The following FOXP2 variants were observed in gnomAD, a reference collection of about 807,000 sequenced individuals.
The protein encoded by FOXP2 is forkhead box P2, also known as forkhead box protein P2.
FOXP2 carries 12 observed loss-of-function variants against 115.8 expected under a neutral mutation model. The observed-to-expected ratio is 0.10, with a 90% CI of 0.07 to 0.17. The LOEUF (loss-of-function observed/expected upper bound fraction) is 0.17, where lower values mean the gene tolerates loss of function less well. Among genes scored for constraint, FOXP2 ranks in the 10% least tolerant of loss-of-function variants. The pLI, the probability that FOXP2 is intolerant of heterozygous loss-of-function variation, is 1.00. For missense variants in FOXP2, 629 were observed against 843.5 expected, an observed-to-expected ratio of 0.75 and a Z score of 3.15; for synonymous variants, 328 against 297.7, an observed-to-expected ratio of 1.10 and a Z score of -1.05.
upstream of FOXP2, among the ~76,000 whole-genome samples, chr7:114,087,399 A>G (rs1236421266): frequency 6.6e-6 from 1 of 152,000 alleles, no homozygotes. Context: ...TTTTACTTTT[A>G]TTCCGCTTTA....
In FOXP2 at chr7:114,426,634, C is replaced by T; in HGVS notation, c.123C>T (p.Ser41=). 1 of 1,611,520 alleles carries T rather than the reference C, an allele frequency of 6.2e-7. No homozygotes were observed. The highest frequency in any genetic ancestry group is 8.5e-7 in the Non-Finnish European group (1 of 1,178,322). ...ATGGAAGATCAAGTGGTGACACCAG[C>T]TCTGAAGTAAGCACAGTAGAACTGC... ...SRDGRSSGDT[S]SEVSTVELLH... The change falls in exon 2 of 17, where the codon AGC becomes AGT. Residue 41 remains serine, a synonymous_variant. Transcript: ENST00000350908.
chr7:114,577,966 A>G (rs1208534830), intron 3 of FOXP2, among the ~76,000 whole-genome samples: 2 of 151,912 alleles, frequency 1.3e-5, no homozygotes, highest in Non-Finnish European at 2.9e-5. Context: ...TTGTAGAGAG[A>G]AAGTGTTACC....
intron 1 of FOXP2, among the ~76,000 whole-genome samples, chr7:114,419,137 T>C (rs2129201682): frequency 6.6e-6 from 1 of 152,108 alleles, no homozygotes; most frequent in African/African-American, 2.4e-5. Flanking sequence ...TATAGGTATA[T>C]GTATGTCAAG....
chr7:114,329,479 A>AT (rs1425999050), intron 2 of FOXP2, among the ~76,000 whole-genome samples: 1 of 149,570 alleles, frequency 6.7e-6, no homozygotes, highest in Non-Finnish European at 1.5e-5. Flanking sequence ...AGATCGTGCC[A>AT]TTGAACTCCA....
chr7:114,335,683 A>G (rs970462492), intron 2 of FOXP2, among the ~76,000 whole-genome samples: 2 of 151,868 alleles, frequency 1.3e-5, no homozygotes, highest in African/African-American at 4.8e-5. Flanking sequence ...TAAAGTGAAC[A>G]AAATTTAAAT....
At chr7:114,419,156 T>C (rs1050827928) in intron 1 of FOXP2, among the ~76,000 whole-genome samples, 5 of 151,984 alleles carry the variant, frequency 3.3e-5, no homozygotes, top group Non-Finnish European at 5.9e-5. Context: ...AGTATATGCA[T>C]GTATATACAT....
At chr7:114,136,020 C>G (rs1461832132) in intron 1 of FOXP2, among the ~76,000 whole-genome samples, 1 of 151,706 alleles carries the variant, frequency 6.6e-6, no homozygotes, top group South Asian at 2.1e-4. Context: ...AGTATAAAGC[C>G]CAAACAAGAT....
intron 1 of FOXP2, among the ~76,000 whole-genome samples, chr7:114,255,959 AT>A (rs1352167303): frequency 2.0e-5 from 3 of 152,200 alleles, no homozygotes; most frequent in Non-Finnish European, 4.4e-5. Flanking sequence ...TCTTTGAGGA[AT>A]CACCACACTG....
intron 1 of FOXP2, among the ~76,000 whole-genome samples, chr7:114,237,660 GT>G (rs1157336337): frequency 1.3e-5 from 2 of 148,986 alleles, no homozygotes; most frequent in South Asian, 2.1e-4. Flanking sequence ...TTTTTTGTTT[GT>G]TTTTTAAAAA....
At chr7:114,239,342 G>A (rs1795095079) in intron 1 of FOXP2, among the ~76,000 whole-genome samples, 2 of 151,998 alleles carry the variant, frequency 1.3e-5, no homozygotes, top group Admixed American at 1.3e-4. Context: ...TTTAATCTTT[G>A]TATAATCTCT....
At chr7:114,446,849 A>G (rs1794857278) in intron 2 of FOXP2, among the ~76,000 whole-genome samples, 1 of 151,654 alleles carries the variant, frequency 6.6e-6, no homozygotes, top group South Asian at 2.1e-4. Flanking sequence ...CCTGGGTTCA[A>G]GTGATTCTCT....
At chr7:114,353,817 A>G (rs1488117545) in intron 2 of FOXP2, among the ~76,000 whole-genome samples, 4 of 152,062 alleles carry the variant, frequency 2.6e-5, no homozygotes, top group South Asian at 4.2e-4. Flanking sequence ...CCCAATCTAC[A>G]TCTCACCATC....
rs550150831 is a variant in FOXP2 at position 114,275,124 on chromosome 7, A to T, written c.-101-12895A>T. ...TTTGAGTATCTGTAGTTTGAGAATT[A>T]TAAACTTAGGTGTAGTTTTTTGACA... On this transcript the variant is annotated intron_variant, in intron 1 of 17. Transcript: ENST00000634411. 7.9e-5 allele frequency among the ~76,000 whole-genome samples: 12 copies of T among 151,690 alleles called. 1 individual carries two copies. In the East Asian group the frequency reaches 1.7e-3, roughly 22 times the overall value.
intron 8 of FOXP2, among the ~76,000 whole-genome samples, chr7:114,648,942 G>A (rs1212483526): frequency 2.6e-5 from 4 of 152,126 alleles, no homozygotes; most frequent in Admixed American, 2.6e-4. Context: ...GGGGACATTA[G>A]GGACTGGAGC....
At chr7:114,263,893 C>G (rs761184213) in intron 1 of FOXP2, among the ~76,000 whole-genome samples, 19 of 151,912 alleles carry the variant, frequency 1.3e-4, no homozygotes, top group Non-Finnish European at 1.9e-4. Context: ...ATGAATCCTT[C>G]TAAAGTCAGC....
chr7:114,478,556 A>C (rs1480147721), intron 2 of FOXP2, among the ~76,000 whole-genome samples: 1 of 151,822 alleles, frequency 6.6e-6, no homozygotes, highest in Non-Finnish European at 1.5e-5. Flanking sequence ...TCAGTAGTCC[A>C]CACCACATTT....
At chr7:114,198,052 A>T (rs1793957902) in intron 1 of FOXP2, among the ~76,000 whole-genome samples, 1 of 151,800 alleles carries the variant, frequency 6.6e-6, no homozygotes, top group Non-Finnish European at 1.5e-5. Context: ...TTTGGTAGAG[A>T]CGGGGTTCTC....
intron 1 of FOXP2, among the ~76,000 whole-genome samples, chr7:114,115,459 C>A (rs1791377561): frequency 6.6e-6 from 1 of 152,086 alleles, no homozygotes; most frequent in African/African-American, 2.4e-5. Context: ...TACATGGCTT[C>A]TCCCCTGTCT....
At chr7:114,660,659 C>A (rs1465825514) in intron 13 of FOXP2, among the ~76,000 whole-genome samples, 1 of 152,024 alleles carries the variant, frequency 6.6e-6, no homozygotes, top group East Asian at 1.9e-4. Flanking sequence ...TATTTATGCA[C>A]AGTTACTTGG....
Sources: allele counts gnomAD v4.1 joint callset (sites outside exome capture counted in the v4.1 genomes callset), GRCh38; gene constraint gnomAD v4.1.1; transcripts MANE v1.5; gene names NCBI Gene and HGNC (gene_info 2026-07-23, HGNC 2026-07-21).